PHACTR3: variants seen among roughly 807,000 people sequenced by gnomAD.
The protein encoded by PHACTR3 is protein phosphatase 1, regulatory subunit 123.
In PHACTR3, 16 loss-of-function variants were observed where a neutral mutation model predicts 66.8. The ratio of observed to expected loss-of-function variants is 0.24; its 90% CI spans 0.16 to 0.36. The LOEUF (loss-of-function observed/expected upper bound fraction) is 0.36, where lower values mean the gene tolerates loss of function less well. Ranked by LOEUF, PHACTR3 falls within the 10% of genes least tolerant of loss-of-function variation. The probability of loss-of-function intolerance (pLI) is 1.00; values close to 1 mark genes in which losing one functional copy is unlikely to be tolerated. For synonymous variants in PHACTR3, 323 were observed against 292.1 expected, an observed-to-expected ratio of 1.11 and a Z score of -1.08; for missense variants, 647 against 719.9, an observed-to-expected ratio of 0.90 and a Z score of 1.16.
intron 1 of PHACTR3, among the ~76,000 whole-genome samples, chr20:59,660,263 G>A (rs1412705721): frequency 1.3e-5 from 2 of 152,226 alleles, no homozygotes; most frequent in East Asian, 3.8e-4. Context: ...GGGAGGCTGA[G>A]GTGGGCAGAT....
chr20:59,715,050 A>G (rs1391049869), intron 1 of PHACTR3, among the ~76,000 whole-genome samples: 1 of 152,204 alleles, frequency 6.6e-6, no homozygotes, highest in African/African-American at 2.4e-5. Flanking sequence ...AATTATTCTA[A>G]TTAAGATTAT....
intron 1 of PHACTR3, among the ~76,000 whole-genome samples, chr20:59,716,033 T>C (rs1304248025): frequency 6.6e-6 from 1 of 152,152 alleles, no homozygotes; most frequent in African/African-American, 2.4e-5. Flanking sequence ...TGTGTGTCCA[T>C]GCACCTGGCT....
At chr20:59,707,601 G>C (rs1387931010) in intron 1 of PHACTR3, among the ~76,000 whole-genome samples, 2 of 151,908 alleles carry the variant, frequency 1.3e-5, no homozygotes, top group African/African-American at 4.8e-5. Flanking sequence ...CGAGTGGCTG[G>C]GACTAGGGGG....
intron 1 of PHACTR3, among the ~76,000 whole-genome samples, chr20:59,696,649 C>T (rs969671828): frequency 6.6e-6 from 1 of 152,156 alleles, no homozygotes; most frequent in Non-Finnish European, 1.5e-5. Context: ...CAGCTTGGTG[C>T]ATACTAAGGA....
Position 59,755,223 on chromosome 20 carries a change from T to C in PHACTR3, c.400T>C (p.Ser134Pro). 2 of 1,613,790 alleles carry C rather than the reference T, an allele frequency of 1.2e-6. No homozygotes were observed. The highest frequency in any genetic ancestry group is 2.2e-5 in the East Asian group (1 of 44,868). ...TTGCAACCCCGATGGAGGACCCCGA[T>C]CTGTACAGAGTGAACCACCCACTCC... ...KTCNPDGGPR[S>P]VQSEPPTPKS... is the part of the protein sequence containing the mutation. Residue 134 changes from serine (S) to proline (P), a missense_variant, in exon 4 of 13, where the codon TCT becomes CCT. By Grantham distance (74) the Ser-to-Pro change is moderately conservative. Coordinates refer to ENST00000371015, the MANE Select transcript of PHACTR3 (RefSeq NM_080672.5).
chr20:59,847,082 CCTT>C, intron 12 of PHACTR3, 30 bp from the exon 13 acceptor site: 1 of 1,456,800 alleles, frequency 6.9e-7, no homozygotes. Context: ...AAATGAATAA[CCTT>C]AAATTCTTTG....
At chr20:59,773,205 T>G (rs1335183649) in intron 5 of PHACTR3, 74 bp from the exon 6 acceptor site, 1 of 1,512,640 alleles carries the variant, frequency 6.6e-7, no homozygotes, top group Non-Finnish European at 9.0e-7. Flanking sequence ...CCGCTCATGG[T>G]CCCCAGTCTC....
At chr20:59,816,489 G>GT (rs1418647680) in intron 8 of PHACTR3, among the ~76,000 whole-genome samples, 3 of 152,238 alleles carry the variant, frequency 2.0e-5, no homozygotes, top group Non-Finnish European at 4.4e-5. Context: ...TTAGTAGCCA[G>GT]TGAGTAGCTG....
intron 1 of PHACTR3, among the ~76,000 whole-genome samples, chr20:59,619,173 C>T (rs1460554058): frequency 2.0e-5 from 3 of 152,170 alleles, no homozygotes; most frequent in Non-Finnish European, 4.4e-5. Context: ...GAACCAGTGA[C>T]TGTGACAGGT....
chr20:59,743,802 C>T (rs753934218), intron 2 of PHACTR3, among the ~76,000 whole-genome samples: 30 of 152,174 alleles, frequency 2.0e-4, no homozygotes, highest in Non-Finnish European at 8.8e-5. Context: ...GCTTTGACAC[C>T]TCTGGGCCTC....
chr20:59,841,683 A>C, intron 11 of PHACTR3, 148 bp downstream of exon 11: 1 of 889,488 alleles, frequency 1.1e-6, no homozygotes, highest in Non-Finnish European at 1.6e-6. Context: ...AAGATAATTC[A>C]GGGTCAGATT....
chr20:59,671,052 A>G (rs1039809983), intron 1 of PHACTR3, among the ~76,000 whole-genome samples: 1 of 152,192 alleles, frequency 6.6e-6, no homozygotes, highest in East Asian at 1.9e-4. Context: ...CCCTGGTCCA[A>G]TGGGAGAGAG....
At chr20:59,772,082 C>T (rs1263304740) in intron 5 of PHACTR3, among the ~76,000 whole-genome samples, 8 of 152,204 alleles carry the variant, frequency 5.3e-5, no homozygotes, top group Admixed American at 6.5e-5. Context: ...TAGGCTAAGC[C>T]TTTGAGAGCT....
chr20:59,797,866 G>T (rs894784620), intron 7 of PHACTR3, among the ~76,000 whole-genome samples: 19 of 151,584 alleles, frequency 1.3e-4, no homozygotes, highest in African/African-American at 4.6e-4. Context: ...AAATTGTTGG[G>T]TTTGATTTGC....
intron 8 of PHACTR3, among the ~76,000 whole-genome samples, chr20:59,831,176 G>A (rs965913684): frequency 1.3e-5 from 2 of 152,118 alleles, no homozygotes; most frequent in African/African-American, 2.4e-5. Context: ...TGCCCCCTTG[G>A]CCCCCAGAAA....
At chr20:59,679,624 C>T (rs577923074) in intron 1 of PHACTR3, among the ~76,000 whole-genome samples, 402 of 152,158 alleles carry the variant, frequency 2.6e-3, no homozygotes, top group Non-Finnish European at 4.8e-3. Flanking sequence ...CTGATAAAGA[C>T]GTACCCAAGA....
At chr20:59,632,148 T>C (rs1388389790) in intron 1 of PHACTR3, among the ~76,000 whole-genome samples, 1 of 152,192 alleles carries the variant, frequency 6.6e-6, no homozygotes, top group Non-Finnish European at 1.5e-5. Flanking sequence ...GCCATGGCAG[T>C]GCTGACTGTG....
rs148892010 is a variant in PHACTR3 at position 59,647,507 on chromosome 20, A to G, written c.118+42375A>G. 3.1e-3 allele frequency among the ~76,000 whole-genome samples: 468 copies of G among 152,196 alleles called. 3 individuals carry two copies. The highest frequency in any genetic ancestry group is 0.011 in the African/African-American group (442 of 41,518). Reference sequence around the variant, plus strand: ...CAGCAGGTGGCAGCCAGGCCCTTGGAGGTCCATTGGCAGGACTGAGCAGCA... The same window carrying G: ...CAGCAGGTGGCAGCCAGGCCCTTGGGGGTCCATTGGCAGGACTGAGCAGCA... On this transcript the variant is annotated intron_variant, in intron 1 of 12. Transcript: ENST00000371015.
chr20:59,777,296 G>A (rs1221519886), intron 7 of PHACTR3, among the ~76,000 whole-genome samples: 2 of 152,166 alleles, frequency 1.3e-5, no homozygotes, highest in Non-Finnish European at 2.9e-5. Context: ...TTCCAAATAA[G>A]GTCACTTTCA....
Sources: gnomAD v4.1 joint callset for allele counts (sites outside exome capture counted in the v4.1 genomes callset) on GRCh38, gnomAD v4.1.1 for gene constraint, MANE v1.5 for transcripts, NCBI Gene and HGNC (gene_info 2026-07-23, HGNC 2026-07-21) for gene names.